The following PADI4 variants were observed in gnomAD, a reference collection of about 807,000 sequenced individuals.
PADI4 encodes the protein protein-arginine deiminase type-4.
PADI4 carries 62 observed loss-of-function variants against 75.0 expected under a neutral mutation model. That is an observed-to-expected ratio of 0.83 (90% CI 0.67 to 1.02). The LOEUF (loss-of-function observed/expected upper bound fraction) is 1.02. PADI4 is among the 50% of genes least tolerant of loss of function. The probability of loss-of-function intolerance (pLI) is 0.00; values close to 1 mark genes in which losing one functional copy is unlikely to be tolerated. For synonymous variants in PADI4, 361 were observed against 348.1 expected (o/e 1.04, Z -0.41); for missense variants, 845 against 850.5 (o/e 0.99, Z 0.08).
intron 1 of PADI4, among the ~76,000 whole-genome samples, chr1:17,309,723 G>A (rs2073775815): frequency 6.6e-6 from 1 of 152,354 alleles, no homozygotes; most frequent in African/African-American, 2.4e-5. Context: ...CCAGAGAACA[G>A]CAGGAAATGT....
At position 17,341,974 on chromosome 1, in the gene PADI4, C is replaced by G. The variant is rs748211587; in HGVS notation, c.684C>G (p.Val228=). The G allele has an allele frequency of 6.2e-7, 1 of 1,614,076 alleles. No individual in the cohort carries two copies. The highest frequency in any genetic ancestry group is 1.1e-5 in the South Asian group (1 of 91,078). The change falls in exon 7 of 16, where the codon GTC becomes GTG. Residue 228 remains valine, a synonymous_variant. Coordinates refer to ENST00000375448, the MANE Select transcript of PADI4 (RefSeq NM_012387.3). ...RGKLSSKCSV[V]LGPKWPSHYL... The stretch of plus-strand genomic sequence containing the variant: ...AACTGTCCTCCAAGTGCAGCGTAGT[C>G]TTGGGTCCCAAGTGGCCCTCTCACT...
chr1:17,356,164 C>T lies in PADI4; in HGVS notation c.1455+37C>T, dbSNP rs905634568. ...GGGGCTGCCTCAGGAAGCCATGCCT[C>T]CTTCCTGGGTAGACCCTCTGCCTGG... On this transcript the variant is annotated intron_variant, in intron 12 of 15. Transcript: ENST00000375448. The surrounding 1 kb of genome is among the most constrained non-coding windows in gnomAD (Gnocchi z 4.1). The T allele has an allele frequency of 3.7e-6, 6 of 1,605,932 alleles. No individual in the cohort carries two copies. The African/African-American group carries it at 6.7e-5, about 18-fold the overall frequency.
chr1:17,362,983 A>G (rs2074867147), intron 15 of PADI4, among the ~76,000 whole-genome samples: 1 of 150,542 alleles, frequency 6.6e-6, no homozygotes, highest in Admixed American at 6.6e-5. Context: ...CACCTGGCTC[A>G]TTCTTGTATT....
In PADI4 at chr1:17,346,224, G is replaced by A; in HGVS notation, c.1047+85G>A. On this transcript the variant is annotated intron_variant, in intron 9 of 15. Coordinates refer to ENST00000375448, the MANE Select transcript of PADI4 (RefSeq NM_012387.3). This position sits in a 1 kb window ranked among gnomAD's most constrained non-coding sequence, Gnocchi z 4.3. ...GACCCGGGCTCCTGGGGTTCAGCCT[G>A]GTGCCTCACCGGCCACTCTTCCTTA... The A allele has an allele frequency of 1.3e-6, 1 of 798,446 alleles. No individual in the cohort carries two copies. The highest frequency in any genetic ancestry group is 2.1e-6 in the Non-Finnish European group (1 of 472,776). 49.5% of individuals were successfully genotyped at this position (798,446 alleles called of 1,614,324 possible).
chr1:17,363,450 G>A, intron 15 of PADI4, 72 bp from the exon 16 acceptor site: 1 of 1,025,626 alleles, frequency 9.8e-7, no homozygotes, highest in Non-Finnish European at 1.5e-6. Context: ...GGTCAGAGAA[G>A]GGTGGGGCCG....
chr1:17,356,201 C>T lies in PADI4; in HGVS notation c.1455+74C>T. On this transcript the variant is annotated intron_variant, in intron 12 of 15. Transcript: ENST00000375448. This position sits in a 1 kb window ranked among gnomAD's most constrained non-coding sequence, Gnocchi z 4.1. ...GACCCTCTGCCTGGGGTGGGAGCAA[C>T]TTTACTTGTCTATTTCTCCTTCACC... 6.6e-7 allele frequency: 1 copy of T among 1,510,516 alleles called. No homozygotes were observed. The highest frequency in any genetic ancestry group is 9.1e-7 in the Non-Finnish European group (1 of 1,101,930). The allele number at this position is 1,510,516 out of a possible 1,614,324, so 93.6% of individuals were successfully genotyped here.
chr1:17,331,519 C>A (rs1212103710), intron 2 of PADI4, among the ~76,000 whole-genome samples: 1 of 152,188 alleles, frequency 6.6e-6, no homozygotes, highest in Non-Finnish European at 1.5e-5. Context: ...GGTAAACAAA[C>A]AATTGCAAAT....
chr1:17,311,381 G>A (rs2073824793), intron 1 of PADI4, among the ~76,000 whole-genome samples: 1 of 152,162 alleles, frequency 6.6e-6, no homozygotes, highest in South Asian at 2.1e-4. Flanking sequence ...ACTGCTCCCT[G>A]TGGGCAGAGC....
At chr1:17,336,333 CTG>C (rs1480136971) in intron 4 of PADI4, 107 bp downstream of exon 4, 4 of 730,608 alleles carry the variant, frequency 5.5e-6, no homozygotes, top group African/African-American at 1.8e-5. Context: ...TCCGTGTTAA[CTG>C]TTAAAAAAAG....
chr1:17,337,214 C>T (rs1038601011), intron 4 of PADI4, among the ~76,000 whole-genome samples: 6 of 152,126 alleles, frequency 3.9e-5, no homozygotes, highest in Admixed American at 1.3e-4. Flanking sequence ...AGTGCAGGGG[C>T]GGTTCACCGC....
chr1:17,318,004 C>T (rs1387645764), intron 1 of PADI4, among the ~76,000 whole-genome samples: 1 of 152,202 alleles, frequency 6.6e-6, no homozygotes, highest in African/African-American at 2.4e-5. Context: ...AGCAAGACCT[C>T]CTCTCAGAAA....
chr1:17,316,625 G>A (rs2073940922), intron 1 of PADI4, among the ~76,000 whole-genome samples: 1 of 151,834 alleles, frequency 6.6e-6, no homozygotes, highest in Admixed American at 6.6e-5. Context: ...GGGAGGTGGA[G>A]CTTGCAGTGA....
intron 6 of PADI4, among the ~76,000 whole-genome samples, chr1:17,341,603 T>C (rs186510086): frequency 7.4e-4 from 113 of 152,298 alleles, no homozygotes; most frequent in Admixed American, 3.7e-3. Context: ...AGTGACTCTG[T>C]CTCCCTGGTC....
In PADI4 at chr1:17,363,509, C is replaced by T; in HGVS notation, c.1759-13C>T. On this transcript the variant is annotated splice_polypyrimidine_tract_variant and intron_variant, in intron 15 of 15. Transcript: ENST00000375448. ...CGCTGCTGCCTGTGACCTGAACCCT[C>T]ACTTCCCTGCAGGTGAACATGCTGG... The T allele has an allele frequency of 1.3e-6, 2 of 1,592,382 alleles. No homozygotes were observed. Among genetic ancestry groups the T allele is most frequent in the East Asian group, 2.2e-5 (1 of 44,604 alleles).
intron 1 of PADI4, among the ~76,000 whole-genome samples, chr1:17,318,690 C>CT (rs11464953): frequency 0.52 from 74,214 of 142,988 alleles, 19,800 homozygotes; most frequent in East Asian, 0.59. Flanking sequence ...GATTTTTTTT[C>CT]TTTTTTTTTT....
At chr1:17,317,859 A>G (rs981485710) in intron 1 of PADI4, among the ~76,000 whole-genome samples, 1 of 152,114 alleles carries the variant, frequency 6.6e-6, no homozygotes, top group Non-Finnish European at 1.5e-5. Context: ...TCATCTCTAT[A>G]AAAATGTTTT....
intron 8 of PADI4, among the ~76,000 whole-genome samples, chr1:17,343,702 A>T (rs1446124007): frequency 1.3e-5 from 2 of 152,132 alleles, no homozygotes; most frequent in Non-Finnish European, 1.5e-5. Context: ...GTCTCATGAG[A>T]TCTGATGGTT....
chr1:17,329,498 G>C (rs1019026421), intron 1 of PADI4, among the ~76,000 whole-genome samples: 2 of 152,048 alleles, frequency 1.3e-5, no homozygotes, highest in Non-Finnish European at 2.9e-5. Flanking sequence ...CTAAAGAAAA[G>C]AAAATCATAA....
intron 10 of PADI4, among the ~76,000 whole-genome samples, chr1:17,353,681 A>G (rs983540004): frequency 2.0e-5 from 3 of 152,172 alleles, no homozygotes; most frequent in East Asian, 3.9e-4. Context: ...ACTTTGCTGA[A>G]TGTAATTATA....
Sources: allele counts gnomAD v4.1 joint callset (sites outside exome capture counted in the v4.1 genomes callset), GRCh38; gene constraint gnomAD v4.1.1; non-coding constraint Gnocchi (gnomAD v3.1); transcripts MANE v1.5; gene names NCBI Gene and HGNC (gene_info 2026-07-23, HGNC 2026-07-21).